Variants in CENPW observed in about 807,000 individuals in gnomAD.
CENPW encodes the protein centromere protein W.
A neutral mutation model predicts 11.1 loss-of-function variants in CENPW; 3 were observed. That is an observed-to-expected ratio of 0.27 (90% confidence interval 0.12 to 0.70). The LOEUF (loss-of-function observed/expected upper bound fraction) is 0.70. Among genes scored for constraint, CENPW ranks in the 30% least tolerant of loss-of-function variants. The pLI, the probability that CENPW is intolerant of heterozygous loss-of-function variation, is 0.77. For synonymous variants in CENPW, 38 were observed against 42.0 expected (o/e 0.91, Z 0.37); for missense variants, 100 against 105.6 (o/e 0.95, Z 0.23).
At chr6:126,478,748 G>A in the CENPW span, among the ~76,000 whole-genome samples, 1 of 151,942 alleles carries the variant, frequency 6.6e-6, no homozygotes, top group African/African-American at 2.4e-5. Context: ...CAGAACACTG[G>A]AACTGCTAAA....
chr6:126,447,034 A>G, the CENPW span, among the ~76,000 whole-genome samples: 1 of 151,160 alleles, frequency 6.6e-6, no homozygotes, highest in African/African-American at 2.4e-5. Context: ...GAAAATTTGT[A>G]ACAGCTGAGG....
At chr6:126,354,366 G>A in the CENPW span, among the ~76,000 whole-genome samples, 12 of 152,008 alleles carry the variant, frequency 7.9e-5, no homozygotes, top group African/African-American at 1.2e-4. Context: ...GGCATGTACC[G>A]AACACTAATC....
At chr6:126,364,908 CA>C in the CENPW span, among the ~76,000 whole-genome samples, 1 of 152,152 alleles carries the variant, frequency 6.6e-6, no homozygotes, top group African/African-American at 2.4e-5. Flanking sequence ...TTAGTCCCCA[CA>C]AAAGCCTGTA....
At chr6:126,445,801 T>TTTATTAGAATTATATTTTAG in the CENPW span, among the ~76,000 whole-genome samples, 6 of 151,356 alleles carry the variant, frequency 4.0e-5, no homozygotes, top group South Asian at 1.2e-3. Context: ...TTTATTTTAC[T>TTTATTAGAATTATATTTTAG]TATAAAAGAC....
chr6:126,467,117 C>G, the CENPW span, among the ~76,000 whole-genome samples: 5 of 152,204 alleles, frequency 3.3e-5, no homozygotes, highest in Admixed American at 1.3e-4. Context: ...ACCAATGACA[C>G]TTTCCACAGG....
chr6:126,462,007 A>G, the CENPW span, among the ~76,000 whole-genome samples: 1 of 151,986 alleles, frequency 6.6e-6, no homozygotes, highest in Non-Finnish European at 1.5e-5. Flanking sequence ...AAAATATTAG[A>G]AACTTAGTAT....
chr6:126,429,925 A>G, the CENPW span, among the ~76,000 whole-genome samples: 1 of 152,170 alleles, frequency 6.6e-6, no homozygotes, highest in Non-Finnish European at 1.5e-5. Context: ...TAATTTTGAT[A>G]CAGTTTTTCT....
downstream of CENPW, among the ~76,000 whole-genome samples, chr6:126,352,590 C>T (rs562270122): frequency 6.6e-6 from 1 of 152,088 alleles, no homozygotes; most frequent in East Asian, 1.9e-4. Flanking sequence ...TTCCTGTTTC[C>T]AACTAGCTAT....
the CENPW span, among the ~76,000 whole-genome samples, chr6:126,378,815 G>C: frequency 6.6e-6 from 1 of 151,982 alleles, no homozygotes; most frequent in Non-Finnish European, 1.5e-5. Context: ...AGAGAAAAAG[G>C]AAATACACCT....
At chr6:126,390,860 A>G in the CENPW span, among the ~76,000 whole-genome samples, 2 of 151,874 alleles carry the variant, frequency 1.3e-5, no homozygotes, top group East Asian at 3.8e-4. Flanking sequence ...CATTTTCTTT[A>G]TCCATTCATC....
At chr6:126,427,585 C>T in the CENPW span, among the ~76,000 whole-genome samples, 1 of 152,158 alleles carries the variant, frequency 6.6e-6, no homozygotes, top group Non-Finnish European at 1.5e-5. Flanking sequence ...AGTTGCAACT[C>T]TTCAGATATC....
intron 2 of CENPW, 57 bp downstream of exon 2, chr6:126,346,375 T>A (rs1231194787): frequency 2.0e-6 from 2 of 998,746 alleles, no homozygotes; most frequent in African/African-American, 1.6e-5. Flanking sequence ...TAACACTCGG[T>A]TCATCACCTC....
At chr6:126,394,860 A>G in the CENPW span, among the ~76,000 whole-genome samples, 1 of 151,266 alleles carries the variant, frequency 6.6e-6, no homozygotes, top group Admixed American at 6.6e-5. Context: ...TTTTAATTCA[A>G]TACTTTAAAT....
the CENPW span, among the ~76,000 whole-genome samples, chr6:126,357,356 G>A: frequency 6.6e-5 from 10 of 152,106 alleles, no homozygotes; most frequent in Admixed American, 2.6e-4. Context: ...TTGGAATCAC[G>A]TGGTATGATG....
the CENPW span, among the ~76,000 whole-genome samples, chr6:126,390,789 C>G: frequency 6.6e-6 from 1 of 151,970 alleles, no homozygotes. Flanking sequence ...TATGTTGTCA[C>G]AAATGACGTG....
the CENPW span, among the ~76,000 whole-genome samples, chr6:126,387,642 G>C: frequency 6.6e-6 from 1 of 151,958 alleles, no homozygotes; most frequent in Non-Finnish European, 1.5e-5. Flanking sequence ...GTTTCAGCAA[G>C]GGGTTAAGTG....
chr6:126,368,521 CT>C, the CENPW span, among the ~76,000 whole-genome samples: 897 of 145,896 alleles, frequency 6.1e-3, 4 homozygotes, highest in Non-Finnish European at 9.2e-3. Flanking sequence ...TGTATTAGGA[CT>C]TTTTTTTTTT....
the CENPW span, among the ~76,000 whole-genome samples, chr6:126,476,537 C>G: frequency 1.3e-5 from 2 of 151,746 alleles, no homozygotes; most frequent in African/African-American, 2.4e-5. Flanking sequence ...GTTTGAATGT[C>G]CTTTTACTAG....
chr6:126,357,185 T>TA, the CENPW span, among the ~76,000 whole-genome samples: 70,842 of 152,010 alleles, frequency 0.47, 18,129 homozygotes, highest in East Asian at 0.97. Context: ...ATTTATTGAA[T>TA]GGGGGTGCTT....
Sources: allele counts gnomAD v4.1 joint callset (sites outside exome capture counted in the v4.1 genomes callset), GRCh38; gene constraint gnomAD v4.1.1; transcripts MANE v1.5; gene names NCBI Gene and HGNC (gene_info 2026-07-23, HGNC 2026-07-21).